The following THSD4 variants were observed in gnomAD, a reference collection of about 807,000 sequenced individuals.
THSD4 encodes thrombospondin type-1 domain-containing protein 4.
THSD4 carries 69 observed loss-of-function variants against 119.0 expected under a neutral mutation model. The observed-to-expected ratio is 0.58, with a 90% CI of 0.48 to 0.71. The LOEUF is 0.71. Among genes scored for constraint, THSD4 ranks in the 30% least tolerant of loss-of-function variants. The pLI is 0.00. For missense variants in THSD4, 1,393 were observed against 1,391.1 expected (o/e 1.00, Z -0.02); for synonymous variants, 524 against 540.4 (o/e 0.97, Z 0.42).
At chr15:71,684,619 A>T (rs903787077) in intron 8 of THSD4, among the ~76,000 whole-genome samples, 1 of 151,462 alleles carries the variant, frequency 6.6e-6, no homozygotes, top group East Asian at 1.9e-4. Flanking sequence ...TTCCTGGATT[A>T]TACCCTGTTT....
At chr15:71,395,172 G>A (rs1233763249) in intron 6 of THSD4, among the ~76,000 whole-genome samples, 1 of 152,182 alleles carries the variant, frequency 6.6e-6, no homozygotes, top group African/African-American at 2.4e-5. Flanking sequence ...GGATGGTGAA[G>A]GACCGGATGG....
chr15:71,594,132 C>T (rs531923485), intron 7 of THSD4, among the ~76,000 whole-genome samples: 1 of 152,094 alleles, frequency 6.6e-6, no homozygotes, highest in Admixed American at 6.5e-5. Flanking sequence ...CTCTCTCTGC[C>T]CCTTCTGCCT....
At chr15:71,768,789 T>A (rs1192051401) in intron 16 of THSD4, among the ~76,000 whole-genome samples, 1 of 149,954 alleles carries the variant, frequency 6.7e-6, no homozygotes, top group East Asian at 2.0e-4. Context: ...ATGGTCTCGA[T>A]CTTCTGACCT....
In THSD4 at chr15:71,272,396, C is replaced by CA. The variant is rs61293620; in HGVS notation, c.1015+15708dup. Among the ~76,000 whole-genome samples, 151 of 55,580 alleles carry CA rather than the reference C, an allele frequency of 2.7e-3. 13 individuals are homozygous for CA. Among genetic ancestry groups the CA allele is most frequent in the Admixed American group, 2.6e-3 (8 of 3,134 alleles). 36.5% of individuals were successfully genotyped at this position (55,580 alleles called of 152,430 possible). A position where few individuals can be genotyped will look rare whatever the true frequency, so the allele number is the denominator to read the frequency against. ...CAGGGGACAAAGTGAGACTCTGTCTCAAAAAAAAAAAAAAAAAAAAAAAAA... is the reference window on the plus strand; with the variant it reads ...CAGGGGACAAAGTGAGACTCTGTCTCAAAAAAAAAAAAAAAAAAAAAAAAAA... On this transcript the variant is annotated intron_variant, in intron 6 of 17. Coordinates refer to ENST00000261862, the MANE Select transcript of THSD4 (RefSeq NM_024817.3).
At chr15:71,656,698 G>A (rs529700098) in intron 7 of THSD4, among the ~76,000 whole-genome samples, 11 of 152,162 alleles carry the variant, frequency 7.2e-5, no homozygotes, top group Non-Finnish European at 1.5e-4. Context: ...TAAAAACATG[G>A]ACTTTGATTT....
At position 71,270,825 on chromosome 15, in the gene THSD4, A is replaced by G. The variant is rs913559051; in HGVS notation, c.1015+14110A>G. Among the ~76,000 whole-genome samples, 13 of 149,330 alleles carry G rather than the reference A, an allele frequency of 8.7e-5. No individual in the cohort carries two copies. The South Asian group carries it at 1.3e-3, about 15-fold the overall frequency. On this transcript the variant is annotated intron_variant, in intron 6 of 17. Coordinates refer to ENST00000261862, the MANE Select transcript of THSD4 (RefSeq NM_024817.3). ...AGGGAATTAGAGTGGTCAGGTAGCC[A>G]TCTCTCTTTTTTTTTTTTTTAATGG...
At chr15:71,370,535 A>G (rs1398357115) in intron 6 of THSD4, among the ~76,000 whole-genome samples, 2 of 152,138 alleles carry the variant, frequency 1.3e-5, no homozygotes, top group Non-Finnish European at 2.9e-5. Flanking sequence ...TCATTTCATT[A>G]TGTACCCAGT....
intron 7 of THSD4, among the ~76,000 whole-genome samples, chr15:71,517,489 T>G (rs1390215716): frequency 6.6e-6 from 1 of 152,236 alleles, no homozygotes; most frequent in Non-Finnish European, 1.5e-5. Context: ...ATTCAAAATT[T>G]AAGTATATTT....
chr15:71,634,479 G>C, intron 7 of THSD4, among the ~76,000 whole-genome samples: 1 of 152,204 alleles, frequency 6.6e-6, no homozygotes, highest in East Asian at 1.9e-4. Context: ...ATTTAGGTAA[G>C]CACAAGCACA....
At chr15:71,181,368 C>A (rs2043524343) in intron 3 of THSD4, among the ~76,000 whole-genome samples, 1 of 152,224 alleles carries the variant, frequency 6.6e-6, no homozygotes, top group Non-Finnish European at 1.5e-5. Context: ...TAATTTGCTT[C>A]TATTAAAAAT....
intron 7 of THSD4, among the ~76,000 whole-genome samples, chr15:71,590,145 C>T (rs1279786826): frequency 7.2e-6 from 1 of 138,766 alleles, no homozygotes; most frequent in Non-Finnish European, 1.6e-5. Flanking sequence ...TCAGTCATAT[C>T]TGTTGGGTTA....
chr15:71,639,993 T>G (rs2050823901), intron 7 of THSD4, among the ~76,000 whole-genome samples: 1 of 152,160 alleles, frequency 6.6e-6, no homozygotes, highest in Non-Finnish European at 1.5e-5. Context: ...TAAAGATAGG[T>G]CAAGAAAGAA....
At chr15:71,593,743 A>G (rs2049852923) in intron 7 of THSD4, among the ~76,000 whole-genome samples, 2 of 152,026 alleles carry the variant, frequency 1.3e-5, no homozygotes, top group Admixed American at 1.3e-4. Flanking sequence ...CTATAGAAAA[A>G]AAATGCAAAA....
At chr15:71,759,140 G>C (rs2053590929) in intron 15 of THSD4, among the ~76,000 whole-genome samples, 1 of 152,204 alleles carries the variant, frequency 6.6e-6, no homozygotes, top group South Asian at 2.1e-4. Context: ...GTGAGAAATA[G>C]AATGTGAAAA....
chr15:71,396,466 G>C (rs1169105844), intron 6 of THSD4, among the ~76,000 whole-genome samples: 1 of 152,098 alleles, frequency 6.6e-6, no homozygotes, highest in African/African-American at 2.4e-5. Context: ...ACTTTATGTG[G>C]CAGTTTGTAC....
intron 8 of THSD4, among the ~76,000 whole-genome samples, chr15:71,683,598 A>C (rs1286792375): frequency 6.6e-6 from 1 of 152,330 alleles, no homozygotes; most frequent in East Asian, 1.9e-4. Flanking sequence ...GTCTTAAGGA[A>C]TGTGATCCTT....
chr15:71,655,382 A>G (rs920361670), intron 7 of THSD4, among the ~76,000 whole-genome samples: 1 of 152,210 alleles, frequency 6.6e-6, no homozygotes, highest in Admixed American at 6.5e-5. Context: ...GAATTTCACC[A>G]AATGAAGAAG....
At chr15:71,598,010 A>G (rs915337399) in intron 7 of THSD4, among the ~76,000 whole-genome samples, 1 of 152,108 alleles carries the variant, frequency 6.6e-6, no homozygotes, top group African/African-American at 2.4e-5. Flanking sequence ...TGAATAAGTC[A>G]TGGTTCAGGC....
chr15:71,676,665 A>G (rs186572769), intron 8 of THSD4, among the ~76,000 whole-genome samples: 6 of 151,924 alleles, frequency 3.9e-5, no homozygotes, highest in Non-Finnish European at 8.8e-5. Flanking sequence ...GGTAACTTCA[A>G]CTCTCTGCCT....
Sources: gnomAD v4.1 joint callset for allele counts (sites outside exome capture counted in the v4.1 genomes callset) on GRCh38, gnomAD v4.1.1 for gene constraint, MANE v1.5 for transcripts, NCBI Gene and HGNC (gene_info 2026-07-23, HGNC 2026-07-21) for gene names.